SAMD12: variants seen among roughly 807,000 people sequenced by gnomAD.
The protein encoded by SAMD12 is sterile alpha motif domain containing 12, also known as sterile alpha motif domain-containing protein 12.
A neutral mutation model predicts 15.0 loss-of-function variants in SAMD12; 9 were observed. The observed-to-expected ratio is 0.60, with a 90% confidence interval of 0.36 to 1.05. The LOEUF is 1.05. Ranked by LOEUF, SAMD12 falls within the 50% of genes least tolerant of loss-of-function variation. SAMD12 has a pLI of 0.01. For synonymous variants in SAMD12, 86 were observed against 90.1 expected (o/e 0.96, Z 0.25); for missense variants, 230 against 234.2 (o/e 0.98, Z 0.12).
intron 2 of SAMD12, among the ~76,000 whole-genome samples, chr8:118,535,612 A>G (rs928272968): frequency 4.6e-5 from 7 of 152,252 alleles, no homozygotes; most frequent in South Asian, 4.1e-4. Context: ...CCAGCTTCCC[A>G]GCTGCTTTGT....
chr8:118,320,860 ATG>A (rs1198548417), intron 4 of SAMD12, among the ~76,000 whole-genome samples: 5 of 149,088 alleles, frequency 3.4e-5, no homozygotes, highest in African/African-American at 1.2e-4. Context: ...AGAACAATGC[ATG>A]TGTGTCTTTG....
the SAMD12 span, among the ~76,000 whole-genome samples, chr8:118,155,463 T>A: frequency 6.6e-6 from 1 of 152,220 alleles, no homozygotes; most frequent in Non-Finnish European, 1.5e-5. Flanking sequence ...GAGATCATAT[T>A]GTATCCAGTG....
At chr8:118,504,105 T>A (rs1824858755) in intron 2 of SAMD12, among the ~76,000 whole-genome samples, 1 of 152,204 alleles carries the variant, frequency 6.6e-6, no homozygotes, top group Non-Finnish European at 1.5e-5. Context: ...CCTCTTTTCC[T>A]GTCAGCATAT....
At chr8:118,366,767 G>A (rs1284124682) in intron 4 of SAMD12, among the ~76,000 whole-genome samples, 6 of 149,526 alleles carry the variant, frequency 4.0e-5, no homozygotes, top group Admixed American at 2.0e-4. Flanking sequence ...AACCCAGATC[G>A]CGCCATTGCA....
At chr8:118,308,702 T>G (rs1481929700) in intron 4 of SAMD12, among the ~76,000 whole-genome samples, 2 of 132,246 alleles carry the variant, frequency 1.5e-5, no homozygotes, top group Admixed American at 7.4e-5. Context: ...AAGGAATATG[T>G]TGTACACATG....
intron 3 of SAMD12, among the ~76,000 whole-genome samples, chr8:118,432,207 T>C (rs1389867076): frequency 6.6e-6 from 1 of 152,238 alleles, no homozygotes; most frequent in Non-Finnish European, 1.5e-5. Flanking sequence ...AAATTTCCTA[T>C]TTGATAAACC....
chr8:118,545,118 T>C (rs1476160308), intron 2 of SAMD12, among the ~76,000 whole-genome samples: 1 of 152,098 alleles, frequency 6.6e-6, no homozygotes, highest in Non-Finnish European at 1.5e-5. Context: ...TATATAAATA[T>C]GTGTGTGTGC....
At chr8:118,160,986 T>C in the SAMD12 span, among the ~76,000 whole-genome samples, 1 of 152,090 alleles carries the variant, frequency 6.6e-6, no homozygotes, top group Admixed American at 6.5e-5. Context: ...ATGTTCCCCT[T>C]CCTGTGCCCA....
At chr8:118,552,659 TAGTGTTGGA>T (rs1264422669) in intron 2 of SAMD12, among the ~76,000 whole-genome samples, 3 of 152,324 alleles carry the variant, frequency 2.0e-5, no homozygotes, top group African/African-American at 7.2e-5. Flanking sequence ...CTATTCAATG[TAGTGTTGGA>T]AGTTCTGGCC....
chr8:118,582,664 G>A (rs1202060132), intron 1 of SAMD12, among the ~76,000 whole-genome samples: 3 of 152,152 alleles, frequency 2.0e-5, no homozygotes, highest in East Asian at 3.9e-4. Context: ...TCATTTCACA[G>A]ATAAGGAAAA....
At chr8:118,465,743 C>A (rs1449297266) in intron 2 of SAMD12, among the ~76,000 whole-genome samples, 3 of 152,098 alleles carry the variant, frequency 2.0e-5, no homozygotes, top group Non-Finnish European at 4.4e-5. Flanking sequence ...CGGGCAAATT[C>A]TTGACTGCCT....
downstream of SAMD12, among the ~76,000 whole-genome samples, chr8:118,186,853 C>T (rs146318969): frequency 3.2e-3 from 482 of 152,192 alleles, 2 homozygotes; most frequent in African/African-American, 0.011. Flanking sequence ...AAGGAAGCAG[C>T]TGCCTTTGGG....
intron 1 of SAMD12, among the ~76,000 whole-genome samples, chr8:118,605,600 C>T (rs1827964139): frequency 6.6e-6 from 1 of 151,804 alleles, no homozygotes; most frequent in South Asian, 2.1e-4. Flanking sequence ...ATCTTCTAGG[C>T]CTCAATTTTT....
chr8:118,224,485 A>C (rs1812145131), intron 4 of SAMD12, among the ~76,000 whole-genome samples: 1 of 152,228 alleles, frequency 6.6e-6, no homozygotes, highest in Non-Finnish European at 1.5e-5. Flanking sequence ...AGTTTTGGTC[A>C]CATGGTTTGT....
chr8:118,482,240 C>T (rs1824146966), intron 2 of SAMD12, among the ~76,000 whole-genome samples: 1 of 152,220 alleles, frequency 6.6e-6, no homozygotes, highest in Non-Finnish European at 1.5e-5. Flanking sequence ...ATGACACTTA[C>T]CTTCCCCAAA....
chr8:118,456,904 G>C (rs1460186992), intron 2 of SAMD12, among the ~76,000 whole-genome samples: 1 of 152,142 alleles, frequency 6.6e-6, no homozygotes, highest in Non-Finnish European at 1.5e-5. Context: ...GCCTGACTCT[G>C]CTCAAATGGC....
chr8:118,240,340 C>T (rs531790986), intron 4 of SAMD12, among the ~76,000 whole-genome samples: 3 of 152,238 alleles, frequency 2.0e-5, no homozygotes, highest in East Asian at 1.9e-4. Context: ...GATATAATAA[C>T]GTTTGTTGTT....
intron 4 of SAMD12, among the ~76,000 whole-genome samples, chr8:118,321,443 G>A (rs930716769): frequency 3.3e-5 from 5 of 151,268 alleles, no homozygotes; most frequent in Non-Finnish European, 5.9e-5. Context: ...GTGAAACCCC[G>A]TCTCTCCTAA....
At chr8:118,313,132 C>G (rs527329203) in intron 4 of SAMD12, among the ~76,000 whole-genome samples, 4 of 152,274 alleles carry the variant, frequency 2.6e-5, no homozygotes, top group African/African-American at 9.6e-5. Context: ...GAGATGCCCT[C>G]TCTGTCACAT....
Sources: allele counts gnomAD v4.1 joint callset (sites outside exome capture counted in the v4.1 genomes callset), GRCh38; gene constraint gnomAD v4.1.1; transcripts MANE v1.5; gene names NCBI Gene and HGNC (gene_info 2026-07-23, HGNC 2026-07-21).